UGGT2: variants seen among roughly 807,000 people sequenced by gnomAD.
UGGT2 encodes UDP-glucose glycoprotein glucosyltransferase 2, also known as UDP-glucose:glycoprotein glucosyltransferase 2.
A neutral mutation model predicts 192.1 loss-of-function variants in UGGT2; 180 were observed. The ratio of observed to expected loss-of-function variants is 0.94; its 90% confidence interval spans 0.83 to 1.06. UGGT2 has a LOEUF of 1.06. Among genes scored for constraint, UGGT2 ranks in the 50% least tolerant of loss-of-function variants. The pLI is 0.00. For synonymous variants in UGGT2, 580 were observed against 591.0 expected (o/e 0.98, Z 0.27); for missense variants, 1,849 against 1,795.7 (o/e 1.03, Z -0.54).
intron 20 of UGGT2, among the ~76,000 whole-genome samples, chr13:95,903,903 C>T (rs1327573383): frequency 6.6e-6 from 1 of 152,176 alleles, no homozygotes; most frequent in Non-Finnish European, 1.5e-5. Flanking sequence ...AAATCATTCT[C>T]GTACATATGT....
chr13:95,838,872 C>G (rs1193052143), intron 36 of UGGT2, among the ~76,000 whole-genome samples: 2 of 152,074 alleles, frequency 1.3e-5, no homozygotes, highest in Non-Finnish European at 2.9e-5. Context: ...CTCTGACCAC[C>G]TCTTGATTTT....
At chr13:95,931,663 C>A (rs1367005068) in intron 17 of UGGT2, among the ~76,000 whole-genome samples, 1 of 152,100 alleles carries the variant, frequency 6.6e-6, no homozygotes. Context: ...GCCCAGCGCA[C>A]CCTCTGTAGC....
At chr13:95,923,880 T>C (rs1026721672) in intron 20 of UGGT2, among the ~76,000 whole-genome samples, 1 of 152,242 alleles carries the variant, frequency 6.6e-6, no homozygotes, top group African/African-American at 2.4e-5. Flanking sequence ...GATTACTTTT[T>C]CTTCCTTGTT....
chr13:96,046,418 G>A (rs547120708), intron 1 of UGGT2, among the ~76,000 whole-genome samples: 3 of 152,316 alleles, frequency 2.0e-5, no homozygotes, highest in Admixed American at 1.3e-4. Flanking sequence ...TTTAGACATT[G>A]GCTTAGGCAA....
intron 5 of UGGT2, among the ~76,000 whole-genome samples, chr13:96,006,696 T>C (rs1198384648): frequency 1.4e-5 from 2 of 146,734 alleles, no homozygotes; most frequent in South Asian, 2.2e-4. Flanking sequence ...TCAAATTGAA[T>C]TTAAGAAGAA....
intron 1 of UGGT2, among the ~76,000 whole-genome samples, chr13:96,033,838 C>T (rs1229531339): frequency 1.3e-5 from 2 of 152,288 alleles, no homozygotes; most frequent in African/African-American, 2.4e-5. Flanking sequence ...TTGGCACAGG[C>T]CTGAAAGGTG....
At chr13:96,006,623 CA>C (rs61256349) in intron 5 of UGGT2, among the ~76,000 whole-genome samples, 101 of 93,436 alleles carry the variant, frequency 1.1e-3, no homozygotes, top group Middle Eastern at 8.6e-3. Flanking sequence ...GATTCTGCCT[CA>C]AAAAAAAAAA....
At chr13:95,998,208 A>G (rs1364810874) in intron 6 of UGGT2, among the ~76,000 whole-genome samples, 2 of 152,222 alleles carry the variant, frequency 1.3e-5, no homozygotes, top group East Asian at 3.8e-4. Context: ...GGTTGATGAC[A>G]GAATGCAGTG....
chr13:95,846,780 T>G (rs942646652), intron 36 of UGGT2, among the ~76,000 whole-genome samples: 2 of 152,196 alleles, frequency 1.3e-5, no homozygotes, highest in Non-Finnish European at 2.9e-5. Flanking sequence ...TTCTGACTTT[T>G]GGTGGTTTGT....
chr13:95,900,613 G>A (rs2048076552), intron 22 of UGGT2, among the ~76,000 whole-genome samples, 194 bp downstream of exon 22: 1 of 152,108 alleles, frequency 6.6e-6, no homozygotes, highest in Admixed American at 6.6e-5. Context: ...CTCATTAAAT[G>A]GGGGAAAGAA....
At chr13:96,038,377 T>C (rs372266323) in intron 1 of UGGT2, among the ~76,000 whole-genome samples, 6 of 152,218 alleles carry the variant, frequency 3.9e-5, no homozygotes, top group African/African-American at 1.4e-4. Context: ...GAGAGAATAA[T>C]AGAAAGTTAT....
Position 95,854,480 on chromosome 13 carries a change from A to C in UGGT2, c.4009-5T>G. On this transcript the variant is annotated splice_region_variant and splice_polypyrimidine_tract_variant and intron_variant, in intron 34 of 38. Transcript: ENST00000376747. ...TTTTAGATCATGTCTCACAATCTAA[A>C]TAATTAAAATAGACTGTCTGATAAA... 6.3e-7 allele frequency: 1 copy of C among 1,597,098 alleles called. No homozygotes were observed. Among genetic ancestry groups the C allele is most frequent in the Non-Finnish European group, 8.5e-7 (1 of 1,173,434 alleles).
chr13:95,993,802 A>C (rs1193274207), intron 7 of UGGT2, among the ~76,000 whole-genome samples: 3 of 152,186 alleles, frequency 2.0e-5, no homozygotes, highest in African/African-American at 4.8e-5. Flanking sequence ...TAAAGGTGTT[A>C]ATAAAAATAT....
intron 38 of UGGT2, among the ~76,000 whole-genome samples, chr13:95,821,006 A>G (rs145480360): frequency 1.4e-4 from 21 of 152,246 alleles, no homozygotes; most frequent in African/African-American, 4.8e-4. Flanking sequence ...TGGTTAAGGC[A>G]TTTAAGTTGG....
rs536258328 is a variant in UGGT2, at chr13:96,015,860, GAGTGGAAT to G, written c.486-2387_486-2380del. Among the ~76,000 whole-genome samples, 21 of 152,292 alleles carry G rather than the reference GAGTGGAAT, an allele frequency of 1.4e-4. No individual in the cohort carries two copies. The South Asian group carries it at 4.1e-3, about 30-fold the overall frequency. On this transcript the variant is annotated intron_variant, in intron 4 of 38. Coordinates refer to ENST00000376747, the MANE Select transcript of UGGT2 (RefSeq NM_020121.4). Reference sequence around the variant, plus strand: ...AAACTACCTATATATACACCGCAAGGAGTGGAATAATGAAACTTATTTATTCATTTCAT... The same window carrying G: ...AAACTACCTATATATACACCGCAAGGAATGAAACTTATTTATTCATTTCAT...
At chr13:95,922,015 G>A (rs1302130185) in intron 20 of UGGT2, among the ~76,000 whole-genome samples, 1 of 152,136 alleles carries the variant, frequency 6.6e-6, no homozygotes, top group Non-Finnish European at 1.5e-5. Flanking sequence ...GCAAAGACAT[G>A]GAATCAACCT....
rs1293816174 is a variant in UGGT2, at chr13:95,914,786, G to C, written c.2295+10894C>G. 3.3e-5 allele frequency among the ~76,000 whole-genome samples: 5 copies of C among 150,174 alleles called. No individual in the cohort carries two copies. The East Asian group carries it at 9.8e-4, about 29-fold the overall frequency. On this transcript the variant is annotated intron_variant, in intron 20 of 38. Transcript: ENST00000376747. ...TCACCGCACTCCAGCCTGGGCGACT[G>C]AGTGAGACTCTTTCAAAAAAACAAA...
chr13:95,875,204 A>G (rs1891569764), intron 29 of UGGT2, among the ~76,000 whole-genome samples: 1 of 152,204 alleles, frequency 6.6e-6, no homozygotes, highest in Admixed American at 6.5e-5. Context: ...TAACAATGTT[A>G]AATACATTCT....
intron 20 of UGGT2, among the ~76,000 whole-genome samples, chr13:95,906,464 T>C (rs570412423): frequency 1.3e-5 from 2 of 152,200 alleles, no homozygotes; most frequent in East Asian, 3.9e-4. Flanking sequence ...ATGAACAGTT[T>C]CTCAGAGAAA....
Sources: gnomAD v4.1 joint callset for allele counts (sites outside exome capture counted in the v4.1 genomes callset) on GRCh38, gnomAD v4.1.1 for gene constraint, MANE v1.5 for transcripts, NCBI Gene and HGNC (gene_info 2026-07-23, HGNC 2026-07-21) for gene names.